The following FEZ1 variants were observed in gnomAD, a reference collection of about 807,000 sequenced individuals.
FEZ1 encodes fasciculation and elongation protein zeta 1, also known as fasciculation and elongation protein zeta-1.
In FEZ1, 20 loss-of-function variants were observed where a neutral mutation model predicts 49.3. The ratio of observed to expected loss-of-function variants is 0.41; its 90% CI spans 0.29 to 0.59. The LOEUF is 0.59. FEZ1 is among the 20% of genes least tolerant of loss of function. The pLI is 0.36. For missense variants in FEZ1, 413 were observed against 476.0 expected, an observed-to-expected ratio of 0.87 and a Z score of 1.23; for synonymous variants, 170 against 180.9, an observed-to-expected ratio of 0.94 and a Z score of 0.48.
chr11:125,446,219 G>A, intron 9 of FEZ1, 108 bp from the exon 10 acceptor site: 1 of 1,000,132 alleles, frequency 1.0e-6, no homozygotes, highest in East Asian at 2.4e-5. Flanking sequence ...CTCCTGAGTG[G>A]TGACAGCCCC....
chr11:125,458,216 T>C (rs1188843513), intron 5 of FEZ1, among the ~76,000 whole-genome samples: 1 of 152,174 alleles, frequency 6.6e-6, no homozygotes, highest in Non-Finnish European at 1.5e-5. Context: ...CAGTTGACCT[T>C]TGAACCCTGA....
intron 8 of FEZ1, among the ~76,000 whole-genome samples, chr11:125,449,198 A>G (rs1434545354): frequency 1.4e-5 from 2 of 147,778 alleles, no homozygotes; most frequent in Non-Finnish European, 3.0e-5. Flanking sequence ...ACGTGCCACT[A>G]TGCCCAGCTA....
intron 3 of FEZ1, among the ~76,000 whole-genome samples, chr11:125,466,382 G>A (rs950864725): frequency 4.6e-5 from 7 of 152,118 alleles, no homozygotes; most frequent in Admixed American, 3.9e-4. Context: ...GGAGGCTGAG[G>A]TGGGAGGATC....
rs1428284281 is a variant in FEZ1, at chr11:125,443,877, C to G, written c.*2218G>C. Reference sequence around the variant, plus strand: ...CCCAGCAGCTTTGATTAGCTTGTCTCTGCCGCTTCAGACACCTGCTGGCAG... The same window carrying G: ...CCCAGCAGCTTTGATTAGCTTGTCTGTGCCGCTTCAGACACCTGCTGGCAG... On this transcript the variant is annotated 3_prime_UTR_variant, in exon 10 of 10. Coordinates refer to ENST00000278919, the MANE Select transcript of FEZ1 (RefSeq NM_005103.5). Among the ~76,000 whole-genome samples, 1 of 152,200 alleles carries G rather than the reference C, an allele frequency of 6.6e-6. No individual in the cohort carries two copies. The highest frequency in any genetic ancestry group is 1.5e-5 in the Non-Finnish European group (1 of 68,042).
chr11:125,469,783 G>C (rs1342005446), intron 3 of FEZ1, among the ~76,000 whole-genome samples: 3 of 150,700 alleles, frequency 2.0e-5, no homozygotes, highest in African/African-American at 7.3e-5. Flanking sequence ...TACTGTGTTG[G>C]CCAGGCTGGT....
At chr11:125,461,625 A>C (rs1279131540) in intron 4 of FEZ1, among the ~76,000 whole-genome samples, 1 of 152,208 alleles carries the variant, frequency 6.6e-6, no homozygotes, top group Non-Finnish European at 1.5e-5. Flanking sequence ...CAACAAAAAA[A>C]AGAGTGACTT....
At chr11:125,457,429 A>AAAT (rs1164500309) in intron 5 of FEZ1, among the ~76,000 whole-genome samples, 16 of 20,908 alleles carry the variant, frequency 7.7e-4, no homozygotes, top group Admixed American at 1.1e-3. Context: ...AAAAAAAAAA[A>AAAT]ATATATATAT....
In FEZ1 at chr11:125,456,120, C is replaced by T. The variant is rs2135743665; in HGVS notation, c.668-14G>A. 1.3e-6 allele frequency: 2 copies of T among 1,564,696 alleles called. No individual in the cohort carries two copies. Among genetic ancestry groups the T allele is most frequent in the South Asian group, 2.4e-5 (2 of 83,808 alleles). On this transcript the variant is annotated splice_polypyrimidine_tract_variant and intron_variant, in intron 5 of 9. Transcript: ENST00000278919. ...TGTGCCTCAGCCCTGCAGGGGAAGACCGTCTCCCGCATAACACCTGCATCC... is the reference window on the plus strand; with the variant it reads ...TGTGCCTCAGCCCTGCAGGGGAAGATCGTCTCCCGCATAACACCTGCATCC...
chr11:125,487,160 C>T (rs528757532), intron 2 of FEZ1, among the ~76,000 whole-genome samples: 2 of 152,116 alleles, frequency 1.3e-5, no homozygotes, highest in Admixed American at 1.3e-4. Flanking sequence ...AGAATCTGCT[C>T]ATTGGGCCTT....
chr11:125,493,362 AAAAGAAAGAAAGAAAGAAAGAAAGAAAG>A (rs555223569), intron 1 of FEZ1, among the ~76,000 whole-genome samples: 49 of 49,572 alleles, frequency 9.9e-4, no homozygotes, highest in South Asian at 2.5e-3. Context: ...AGAAAGAGAG[AAAAGAAAGAAAGAAAGAAAGAAAGAAAG>A]AAAGAAAGAA....
At chr11:125,494,373 CT>C (rs1360110901) in intron 1 of FEZ1, among the ~76,000 whole-genome samples, 2 of 152,230 alleles carry the variant, frequency 1.3e-5, no homozygotes, top group Non-Finnish European at 2.9e-5. Flanking sequence ...GCCCTCCTCT[CT>C]TCACGGAGTG....
intron 3 of FEZ1, among the ~76,000 whole-genome samples, chr11:125,470,096 A>G (rs1262860948): frequency 6.6e-6 from 1 of 152,166 alleles, no homozygotes; most frequent in Non-Finnish European, 1.5e-5. Flanking sequence ...AAAGATGAAA[A>G]TGTATAGAGA....
At chr11:125,459,789 A>G (rs1957055784) in intron 5 of FEZ1, among the ~76,000 whole-genome samples, 1 of 151,976 alleles carries the variant, frequency 6.6e-6, no homozygotes, top group Admixed American at 6.6e-5. Flanking sequence ...ATGAAATGAG[A>G]TTAGGCATAG....
chr11:125,495,799 GACACACAC>G lies in FEZ1; in HGVS notation c.-46+314_-46+321del, dbSNP rs10524234. ...GCACACACGCGGGCACACACACGCGGACACACACACACACACACACACACACACACACA... is the reference window on the plus strand; with the variant it reads ...GCACACACGCGGGCACACACACGCGGACACACACACACACACACACACACA... On this transcript the variant is annotated intron_variant, in intron 1 of 9. Coordinates refer to ENST00000278919, the MANE Select transcript of FEZ1 (RefSeq NM_005103.5). The surrounding 1 kb of genome is among the most constrained non-coding windows in gnomAD (Gnocchi z 4.2). 40,293 of 306,456 alleles carry G rather than the reference GACACACAC, an allele frequency of 0.13. 2,039 individuals are homozygous for G. The highest frequency in any genetic ancestry group is 0.21 in the African/African-American group (9,167 of 43,128). 19.0% of individuals were successfully genotyped at this position (306,456 alleles called of 1,614,324 possible).
intron 2 of FEZ1, among the ~76,000 whole-genome samples, chr11:125,483,123 A>T (rs1194551711): frequency 6.6e-6 from 1 of 152,118 alleles, no homozygotes; most frequent in Non-Finnish European, 1.5e-5. Flanking sequence ...GCAAGTATGT[A>T]TATATACACC....
In FEZ1 at chr11:125,495,254, G is replaced by A. The variant is rs1277175736; in HGVS notation, c.-46+867C>T. 8 of 403,778 alleles carry A rather than the reference G, an allele frequency of 2.0e-5. No individual in the cohort carries two copies. The highest frequency in any genetic ancestry group is 4.2e-5 in the Non-Finnish European group (8 of 190,542). The allele number at this position is 403,778 out of a possible 1,614,324, so 25.0% of individuals were successfully genotyped here. On this transcript the variant is annotated intron_variant, in intron 1 of 9. Transcript: ENST00000278919. The surrounding 1 kb of genome is among the most constrained non-coding windows in gnomAD (Gnocchi z 4.2). ...ACTCTGAGGAAGCCGGACTCATCCC[G>A]TGCAGGCCGCATACACACTCCACTG...
Position 125,495,631 on chromosome 11 carries a change from C to T in FEZ1, c.-46+490G>A, listed in dbSNP as rs1957456093. On this transcript the variant is annotated intron_variant, in intron 1 of 9. Transcript: ENST00000278919. The surrounding 1 kb of genome is among the most constrained non-coding windows in gnomAD (Gnocchi z 4.2). ...GGGGTCGGGGGTAAGTTTTTAGGGA[C>T]AAAGATGATCTTGGGGCGTTTACGG... 1 of 454,400 alleles carries T rather than the reference C, an allele frequency of 2.2e-6. No homozygotes were observed. Among genetic ancestry groups the T allele is most frequent in the African/African-American group, 2.0e-5 (1 of 49,556 alleles). The allele number at this position is 454,400 out of a possible 1,614,324, so 28.1% of individuals were successfully genotyped here. A position where few individuals can be genotyped will look rare whatever the true frequency, so the allele number is the denominator to read the frequency against.
chr11:125,493,417 AGAAAGAAGGAAAGAAG>A (rs1565306954), intron 1 of FEZ1, among the ~76,000 whole-genome samples: 5 of 51,528 alleles, frequency 9.7e-5, no homozygotes, highest in South Asian at 6.9e-4. Flanking sequence ...AAAGAAAGAA[AGAAAGAAGGAAAGAAG>A]GAAAGAAGGA....
intron 3 of FEZ1, among the ~76,000 whole-genome samples, chr11:125,476,728 G>T (rs1441008405): frequency 6.6e-6 from 1 of 152,066 alleles, no homozygotes; most frequent in Non-Finnish European, 1.5e-5. Context: ...ACAGATTTGG[G>T]GTTTCTCAAC....
Sources: gnomAD v4.1 joint callset for allele counts (sites outside exome capture counted in the v4.1 genomes callset) on GRCh38, gnomAD v4.1.1 for gene constraint, Gnocchi (gnomAD v3.1) non-coding constraint, MANE v1.5 for transcripts, NCBI Gene and HGNC (gene_info 2026-07-23, HGNC 2026-07-21) for gene names.